Variants in EXOC6 observed in about 807,000 individuals in gnomAD.
EXOC6 encodes exocyst complex component 6.
In EXOC6, 60 loss-of-function variants were observed where a neutral mutation model predicts 112.5. That is an observed-to-expected ratio of 0.53 (90% CI 0.43 to 0.66). EXOC6 has a LOEUF of 0.66. Ranked by LOEUF, EXOC6 falls within the 30% of genes least tolerant of loss-of-function variation. EXOC6 has a pLI of 0.00. For synonymous variants in EXOC6, 295 were observed against 308.0 expected, an observed-to-expected ratio of 0.96 and a Z score of 0.44; for missense variants, 855 against 957.1, an observed-to-expected ratio of 0.89 and a Z score of 1.41.
intron 20 of EXOC6, among the ~76,000 whole-genome samples, chr10:93,040,148 G>A (rs113101469): frequency 0.015 from 2,302 of 152,288 alleles, 53 homozygotes; most frequent in African/African-American, 0.052. Flanking sequence ...GTGTTAGGAA[G>A]CCTTTTTAAT....
At chr10:93,011,936 A>C (rs1330712461) in intron 19 of EXOC6, among the ~76,000 whole-genome samples, 1 of 152,194 alleles carries the variant, frequency 6.6e-6, no homozygotes, top group Non-Finnish European at 1.5e-5. Flanking sequence ...TAAATACTGA[A>C]AAGTGTGGCT....
At chr10:92,979,896 C>T (rs1358980462) in intron 18 of EXOC6, among the ~76,000 whole-genome samples, 1 of 84,414 alleles carries the variant, frequency 1.2e-5, no homozygotes, top group African/African-American at 4.5e-5. Context: ...GACACTGTCT[C>T]AAAAAAAAAA....
intron 17 of EXOC6, among the ~76,000 whole-genome samples, chr10:92,966,908 GT>G (rs1312386251): frequency 2.8e-4 from 36 of 130,290 alleles, no homozygotes; most frequent in Non-Finnish European, 4.6e-4. Context: ...CCCACCAACA[GT>G]GTAAAAGTGT....
At chr10:93,012,392 C>G (rs1370561094) in intron 19 of EXOC6, among the ~76,000 whole-genome samples, 1 of 152,140 alleles carries the variant, frequency 6.6e-6, no homozygotes, top group African/African-American at 2.4e-5. Flanking sequence ...GCTCTTACTT[C>G]CATAACAGCC....
intron 19 of EXOC6, among the ~76,000 whole-genome samples, chr10:93,006,530 G>A (rs901006100): frequency 1.3e-5 from 2 of 152,112 alleles, no homozygotes; most frequent in Admixed American, 1.3e-4. Flanking sequence ...GGTCCTCGAG[G>A]TTTGCATCCC....
rs1220077295 is a variant in EXOC6, at chr10:93,014,262, A to C, written c.2164A>C (p.Arg722=). The change falls in exon 20 of 22, where the codon AGA becomes CGA. Residue 722 remains arginine, a synonymous_variant. Coordinates refer to ENST00000260762, the MANE Select transcript of EXOC6 (RefSeq NM_019053.6). ...DTLQLAFIDL[R]QLLDLFMVWD... ...CCTGCAGCTAGCATTCATTGACCTCAGACAAGTAAGATATAATAATGTACT... is the reference window on the plus strand; with the variant it reads ...CCTGCAGCTAGCATTCATTGACCTCCGACAAGTAAGATATAATAATGTACT... The C allele has an allele frequency of 6.2e-7, 1 of 1,611,780 alleles. No homozygotes were observed. Among genetic ancestry groups the C allele is most frequent in the South Asian group, 1.1e-5 (1 of 91,000 alleles).
chr10:92,976,898 T>TC (rs1333945543), intron 18 of EXOC6, among the ~76,000 whole-genome samples: 1 of 152,054 alleles, frequency 6.6e-6, no homozygotes, highest in Non-Finnish European at 1.5e-5. Flanking sequence ...GTTAGATTCT[T>TC]CAGATGAGGA....
upstream of EXOC6, among the ~76,000 whole-genome samples, chr10:92,829,896 C>CA (rs1846445690): frequency 6.6e-6 from 1 of 152,122 alleles, no homozygotes; most frequent in East Asian, 1.9e-4. Flanking sequence ...AAGACACTCC[C>CA]ACCAGCACCA....
chr10:92,894,728 G>A (rs1488966866), intron 2 of EXOC6, 66 bp from the exon 3 acceptor site: 2 of 1,230,704 alleles, frequency 1.6e-6, no homozygotes, highest in Non-Finnish European at 2.4e-6. Flanking sequence ...GATTACAAGG[G>A]TGAGCAGTTA....
At chr10:93,049,489 G>A (rs1846178817) in intron 20 of EXOC6, among the ~76,000 whole-genome samples, 1 of 152,216 alleles carries the variant, frequency 6.6e-6, no homozygotes, top group South Asian at 2.1e-4. Flanking sequence ...AATAATGCAT[G>A]CTACAACGTG....
chr10:92,942,984 T>C (rs893809487), intron 13 of EXOC6, among the ~76,000 whole-genome samples: 1 of 152,110 alleles, frequency 6.6e-6, no homozygotes, highest in South Asian at 2.1e-4. Flanking sequence ...ATATTTTGAC[T>C]TCTGCTTTTA....
At chr10:93,056,256 A>T (rs539204002) in intron 20 of EXOC6, among the ~76,000 whole-genome samples, 2 of 152,304 alleles carry the variant, frequency 1.3e-5, no homozygotes, top group South Asian at 4.1e-4. Context: ...TAAAGTAAAT[A>T]GTCAATTTTA....
intron 17 of EXOC6, among the ~76,000 whole-genome samples, chr10:92,961,714 T>A (rs1308902222): frequency 1.3e-5 from 2 of 151,148 alleles, no homozygotes; most frequent in Non-Finnish European, 3.0e-5. Flanking sequence ...TTTTTTTTTT[T>A]AATATCATCA....
chr10:92,945,684 C>T (rs1242246620), intron 13 of EXOC6, among the ~76,000 whole-genome samples: 1 of 152,050 alleles, frequency 6.6e-6, no homozygotes, highest in Non-Finnish European at 1.5e-5. Context: ...TAGTTACTTT[C>T]CCTGTAACTT....
At chr10:93,019,917 TC>T (rs1254489635) in intron 20 of EXOC6, among the ~76,000 whole-genome samples, 2 of 152,172 alleles carry the variant, frequency 1.3e-5, no homozygotes, top group African/African-American at 4.8e-5. Context: ...TATTAAAAGT[TC>T]CAGTGAAGTC....
At chr10:92,897,975 T>G (rs1849921943) in intron 4 of EXOC6, among the ~76,000 whole-genome samples, 1 of 152,182 alleles carries the variant, frequency 6.6e-6, no homozygotes, top group South Asian at 2.1e-4. Flanking sequence ...GGGCATGCCC[T>G]TAATCTTGGC....
chr10:92,994,783 A>AATT (rs1020174303), intron 18 of EXOC6, among the ~76,000 whole-genome samples: 1 of 151,924 alleles, frequency 6.6e-6, no homozygotes, highest in Admixed American at 6.6e-5. Flanking sequence ...TAATAATAAT[A>AATT]ATAGTGTTCA....
At chr10:92,983,523 CAG>C (rs1842900873) in intron 18 of EXOC6, among the ~76,000 whole-genome samples, 1 of 126,276 alleles carries the variant, frequency 7.9e-6, no homozygotes, top group South Asian at 2.5e-4. Context: ...TTTTTTGAGA[CAG>C]AGTCTCACTG....
chr10:92,849,037 G>T (rs1847192441), intron 1 of EXOC6, among the ~76,000 whole-genome samples: 1 of 152,132 alleles, frequency 6.6e-6, no homozygotes, highest in African/African-American at 2.4e-5. Flanking sequence ...GCCAGGCTAG[G>T]GTCGACAGCA....
Sources: gnomAD v4.1 joint callset for allele counts (sites outside exome capture counted in the v4.1 genomes callset) on GRCh38, gnomAD v4.1.1 for gene constraint, MANE v1.5 for transcripts, NCBI Gene and HGNC (gene_info 2026-07-23, HGNC 2026-07-21) for gene names.